Variants in HNRNPM observed in about 807,000 individuals in gnomAD.
HNRNPM encodes heterogeneous nuclear ribonucleoprotein M.
A neutral mutation model predicts 73.1 loss-of-function variants in HNRNPM; 11 were observed. That is an observed-to-expected ratio of 0.15 (90% CI 0.09 to 0.25). The LOEUF (loss-of-function observed/expected upper bound fraction) is 0.25. Ranked by LOEUF, HNRNPM falls within the 10% of genes least tolerant of loss-of-function variation. The pLI is 1.00. For synonymous variants in HNRNPM, 407 were observed against 355.2 expected, an observed-to-expected ratio of 1.15 and a Z score of -1.64; for missense variants, 789 against 1,067.9, an observed-to-expected ratio of 0.74 and a Z score of 3.64.
At chr19:8,456,532 T>C (rs1969040236) in intron 2 of HNRNPM, among the ~76,000 whole-genome samples, 2 of 152,212 alleles carry the variant, frequency 1.3e-5, no homozygotes, top group Non-Finnish European at 2.9e-5. Context: ...CTGAAAGGTA[T>C]TGGTTTTCTG....
chr19:8,445,229 T>G, intron 1 of HNRNPM, 118 bp downstream of exon 1: 2 of 898,790 alleles, frequency 2.2e-6, no homozygotes. Flanking sequence ...CCCCGGCTGT[T>G]CCCGTACCGC....
chr19:8,488,473 G>A (rs1026916532), intron 15 of HNRNPM: 21 of 440,332 alleles, frequency 4.8e-5, no homozygotes, highest in East Asian at 4.0e-4. Context: ...GCGTAAAGGC[G>A]TGCATTGAAT....
At chr19:8,479,033 T>C (rs1970706012) in intron 12 of HNRNPM, among the ~76,000 whole-genome samples, 1 of 151,978 alleles carries the variant, frequency 6.6e-6, no homozygotes, top group African/African-American at 2.4e-5. Flanking sequence ...TTTTTTCAGT[T>C]TTGGTTAGGT....
chr19:8,486,814 A>T (rs928124687), intron 14 of HNRNPM, among the ~76,000 whole-genome samples: 3 of 152,230 alleles, frequency 2.0e-5, no homozygotes, highest in Non-Finnish European at 4.4e-5. Context: ...GTGCTCCCAC[A>T]GGCAGAGCCC....
At position 8,445,125 on chromosome 19, in the gene HNRNPM, G is replaced by C. The variant is rs940191468; in HGVS notation, c.113+14G>C. ...GGGCCCTAAGGGGTGAGTATCCCAC[G>C]GTCCTTTGCCACGGGTAAGGGTTCC... On this transcript the variant is annotated intron_variant, in intron 1 of 15. Coordinates refer to ENST00000325495, the MANE Select transcript of HNRNPM (RefSeq NM_005968.5). The C allele has an allele frequency of 7.2e-7, 1 of 1,388,708 alleles. No homozygotes were observed. Among genetic ancestry groups the C allele is most frequent in the Non-Finnish European group, 9.4e-7 (1 of 1,068,244 alleles). The allele number at this position is 1,388,708 out of a possible 1,614,324, so 86.0% of individuals were successfully genotyped here. A position where few individuals can be genotyped will look rare whatever the true frequency, so the allele number is the denominator to read the frequency against.
intron 12 of HNRNPM, among the ~76,000 whole-genome samples, chr19:8,480,764 C>T (rs987731024): frequency 9.2e-5 from 14 of 152,076 alleles, no homozygotes; most frequent in South Asian, 2.1e-4. Context: ...CGCCTAATTC[C>T]GCTTTTTGGA....
At chr19:8,483,444 G>T (rs1377101273) in intron 13 of HNRNPM, among the ~76,000 whole-genome samples, 1 of 152,256 alleles carries the variant, frequency 6.6e-6, no homozygotes, top group East Asian at 1.9e-4. Context: ...ATGCTGTGGA[G>T]AGTGAATGCA....
At chr19:8,467,644 TAA>T (rs1969846268) in intron 8 of HNRNPM, 60 bp downstream of exon 8, 3 of 1,213,670 alleles carry the variant, frequency 2.5e-6, no homozygotes, top group Admixed American at 1.7e-5. Context: ...ATGGAATTAA[TAA>T]GAGTGTACAT....
In HNRNPM at chr19:8,485,503, T is replaced by C; in HGVS notation, c.1175-100T>C. The C allele has an allele frequency of 1.9e-5, 22 of 1,184,178 alleles. No homozygotes were observed. In the South Asian group the frequency reaches 2.6e-4, roughly 14 times the overall value. 73.4% of individuals were successfully genotyped at this position (1,184,178 alleles called of 1,614,324 possible). ...TTAATGGTAAATTATGGTGGGCCTT[T>C]ACCCCTGATCCATGCCCATGAGCTG... On this transcript the variant is annotated intron_variant, in intron 13 of 15. Coordinates refer to ENST00000325495, the MANE Select transcript of HNRNPM (RefSeq NM_005968.5).
intron 1 of HNRNPM, among the ~76,000 whole-genome samples, chr19:8,454,716 T>C (rs1183406507): frequency 5.0e-5 from 7 of 139,718 alleles, no homozygotes; most frequent in Non-Finnish European, 1.1e-4. Context: ...AAGACACTTA[T>C]TTGTGAAGCT....
intron 8 of HNRNPM, 122 bp downstream of exon 8, chr19:8,467,706 G>T (rs754596829): frequency 1.3e-6 from 1 of 779,788 alleles, no homozygotes; most frequent in Non-Finnish European, 2.3e-6. Context: ...ATAGGGTGCA[G>T]TATGTTGAGC....
chr19:8,450,902 G>GGTTTT (rs938141526), intron 1 of HNRNPM, among the ~76,000 whole-genome samples: 3 of 144,588 alleles, frequency 2.1e-5, no homozygotes, highest in Non-Finnish European at 3.0e-5. Flanking sequence ...GCTAATTTTT[G>GGTTTT]GTTTTGTTTT....
intron 1 of HNRNPM, among the ~76,000 whole-genome samples, chr19:8,446,145 T>C (rs1251788196): frequency 6.6e-6 from 1 of 152,238 alleles, no homozygotes; most frequent in Non-Finnish European, 1.5e-5. Context: ...TTCATTGTGG[T>C]AAAATAGACA....
chr19:8,445,150 C>T (rs1473683077), intron 1 of HNRNPM, 39 bp downstream of exon 1: 6 of 1,347,490 alleles, frequency 4.5e-6, no homozygotes, highest in Middle Eastern at 2.0e-4. Context: ...GTAAGGGTTC[C>T]TCTCCGCGGC....
intron 15 of HNRNPM, 110 bp downstream of exon 15, chr19:8,487,185 G>T: frequency 1.1e-6 from 1 of 904,856 alleles, no homozygotes; most frequent in South Asian, 1.3e-5. Context: ...CAGGACCCAT[G>T]GCCTTGCCAT....
intron 12 of HNRNPM, 28 bp downstream of exon 12, chr19:8,474,272 C>A: frequency 6.6e-7 from 1 of 1,525,750 alleles, no homozygotes; most frequent in Non-Finnish European, 8.9e-7. Flanking sequence ...TTCCTGCTTT[C>A]ACTCACCCTT....
chr19:8,487,096 T>C lies in HNRNPM; in HGVS notation c.2029+21T>C, dbSNP rs751777839. The C allele has an allele frequency of 3.1e-6, 5 of 1,603,332 alleles. No individual in the cohort carries two copies. The South Asian group carries it at 5.5e-5, about 18-fold the overall frequency. ...GTGCGGTAAGTGTTGGGAACGGCTT[T>C]GTAGGTGCTTCCCTCGTGCTTGTTG... On this transcript the variant is annotated intron_variant, in intron 15 of 15. Transcript: ENST00000325495.
chr19:8,466,750 C>T (rs1022624695), intron 7 of HNRNPM, among the ~76,000 whole-genome samples: 4 of 133,364 alleles, frequency 3.0e-5, no homozygotes, highest in African/African-American at 8.1e-5. Context: ...CGCTTGAACC[C>T]GGGAGGTGGA....
chr19:8,479,078 CTTTTTTTTTT>C (rs74176651), intron 12 of HNRNPM, among the ~76,000 whole-genome samples: 5,117 of 73,906 alleles, frequency 0.069, 257 homozygotes, highest in African/African-American at 0.18. Flanking sequence ...TTCTTTCTTT[CTTTTTTTTTT>C]TTTTTTTTTT....
Sources: allele counts gnomAD v4.1 joint callset (sites outside exome capture counted in the v4.1 genomes callset), GRCh38; gene constraint gnomAD v4.1.1; transcripts MANE v1.5; gene names NCBI Gene and HGNC (gene_info 2026-07-23, HGNC 2026-07-21).